Variants in SH2B3 observed in about 807,000 individuals in gnomAD.
The protein encoded by SH2B3 is SH2B adapter protein 3.
A neutral mutation model predicts 51.9 loss-of-function variants in SH2B3; 43 were observed. That is an observed-to-expected ratio of 0.83 (90% CI 0.65 to 1.07). The LOEUF (loss-of-function observed/expected upper bound fraction) is 1.07. Among genes scored for constraint, SH2B3 ranks in the 50% least tolerant of loss-of-function variants. SH2B3 has a pLI of 0.00. For synonymous variants in SH2B3, 396 were observed against 376.0 expected, an observed-to-expected ratio of 1.05 and a Z score of -0.62; for missense variants, 952 against 834.3, an observed-to-expected ratio of 1.14 and a Z score of -1.74.
rs373475395 is a variant in SH2B3 at position 111,446,897 on chromosome 12, A to C, written c.834+43A>C. On this transcript the variant is annotated intron_variant, in intron 3 of 7. Transcript: ENST00000341259. The stretch of plus-strand genomic sequence containing the variant: ...TCACACCCTGGGGCAATACAAATAC[A>C]TACACATACAGCAGACCCAACCCTG... 2.0e-4 allele frequency: 316 copies of C among 1,603,312 alleles called. 2 individuals are homozygous for C. The Middle Eastern group carries it at 6.1e-3, about 31-fold the overall frequency.
At chr12:111,425,512 G>A (rs556870608) in intron 2 of SH2B3, among the ~76,000 whole-genome samples, 3 of 152,300 alleles carry the variant, frequency 2.0e-5, no homozygotes, top group African/African-American at 7.2e-5. Flanking sequence ...AACCAGGCAA[G>A]TCTGTGGAAT....
Position 111,418,057 on chromosome 12 carries a change from G to A in SH2B3, c.-27-62G>A. 5 of 1,275,622 alleles carry A rather than the reference G, an allele frequency of 3.9e-6. No individual in the cohort carries two copies. Among genetic ancestry groups the A allele is most frequent in the South Asian group, 1.5e-5 (1 of 66,262 alleles). 79.0% of individuals were successfully genotyped at this position (1,275,622 alleles called of 1,614,324 possible). Reference sequence around the variant, plus strand: ...TGCTGTGGTGCCCGGTGTGTAATGGGGCCTACACCTGCTTGCCCACCTGCT... The same window carrying A: ...TGCTGTGGTGCCCGGTGTGTAATGGAGCCTACACCTGCTTGCCCACCTGCT... On this transcript the variant is annotated intron_variant, in intron 1 of 7. Coordinates refer to ENST00000341259, the MANE Select transcript of SH2B3 (RefSeq NM_005475.3). The surrounding 1 kb of genome is among the most constrained non-coding windows in gnomAD (Gnocchi z 6.7).
intron 2 of SH2B3, among the ~76,000 whole-genome samples, chr12:111,442,218 AC>A (rs1397757344): frequency 1.3e-5 from 2 of 151,412 alleles, no homozygotes; most frequent in South Asian, 2.1e-4. Flanking sequence ...GCCTTTTCAG[AC>A]CCCCTCCCTC....
chr12:111,439,212 C>T (rs1262952537), intron 2 of SH2B3, among the ~76,000 whole-genome samples: 4 of 152,172 alleles, frequency 2.6e-5, no homozygotes, highest in Non-Finnish European at 5.9e-5. Flanking sequence ...TGCAGTGGCA[C>T]GATCTTGGCT....
intron 2 of SH2B3, among the ~76,000 whole-genome samples, chr12:111,433,921 G>C (rs1593058859): frequency 6.6e-6 from 1 of 152,210 alleles, no homozygotes; most frequent in East Asian, 1.9e-4. Flanking sequence ...GCCTCAGTGT[G>C]GTTTTGATAT....
rs1871226981 is a variant in SH2B3, at chr12:111,418,219, G to A, written c.74G>A (p.Gly25Asp). ...PSASPAAAPR[G>D]WSEFCELHAV... The stretch of plus-strand genomic sequence containing the variant: ...GCCTCCCCGGCGGCGGCCCCGCGGG[G>A]CTGGAGCGAGTTCTGTGAGTTGCAC... Residue 25 changes from glycine to aspartate, a missense_variant, in exon 2 of 8, where the codon GGC (glycine) becomes GAC (aspartate). Gly to Asp is a moderately conservative substitution (Grantham distance 94). Coordinates refer to ENST00000341259, the MANE Select transcript of SH2B3 (RefSeq NM_005475.3). This position sits in a 1 kb window ranked among gnomAD's most constrained non-coding sequence, Gnocchi z 6.7. 2 of 1,582,048 alleles carry A rather than the reference G, an allele frequency of 1.3e-6. No individual in the cohort carries two copies. Among genetic ancestry groups the A allele is most frequent in the African/African-American group, 1.4e-5 (1 of 73,058 alleles).
chr12:111,447,644 C>G lies in SH2B3; in HGVS notation c.1237-12C>G, dbSNP rs965190067. 1.2e-6 allele frequency: 2 copies of G among 1,608,954 alleles called. No homozygotes were observed. The highest frequency in any genetic ancestry group is 1.7e-6 in the Non-Finnish European group (2 of 1,176,364). The stretch of plus-strand genomic sequence containing the variant: ...AGGGACAGCCCGAGCCCACCATCCT[C>G]TCCTCCCACAGCACCTGCGCCTGTC... On this transcript the variant is annotated splice_polypyrimidine_tract_variant and intron_variant, in intron 6 of 7. Coordinates refer to ENST00000341259, the MANE Select transcript of SH2B3 (RefSeq NM_005475.3).
chr12:111,437,061 C>T (rs1872942983), intron 2 of SH2B3, among the ~76,000 whole-genome samples: 1 of 152,090 alleles, frequency 6.6e-6, no homozygotes, highest in African/African-American at 2.4e-5. Flanking sequence ...TCACACTCAC[C>T]ATGTCTGTCT....
intron 2 of SH2B3, among the ~76,000 whole-genome samples, chr12:111,428,435 G>A (rs1872181447): frequency 6.6e-6 from 1 of 152,232 alleles, no homozygotes. Flanking sequence ...CGAGCCAGGT[G>A]TCCCTGGTGT....
rs1239537706 is a variant in SH2B3 at position 111,407,779 on chromosome 12, C to T, written c.-28+1502C>T. ...CTGGGAAGGGGCTGGCTCAGAGCAT[C>T]AGCAGCTGGGGGCTCAGGGTCTGCA... is the stretch of plus-strand genomic sequence containing the variant. On this transcript the variant is annotated intron_variant, in intron 1 of 7. Transcript: ENST00000341259. The surrounding 1 kb of genome is among the most constrained non-coding windows in gnomAD (Gnocchi z 4.3). 1.3e-5 allele frequency among the ~76,000 whole-genome samples: 2 copies of T among 152,210 alleles called. No individual in the cohort carries two copies. Among genetic ancestry groups the T allele is most frequent in the Non-Finnish European group, 2.9e-5 (2 of 68,042 alleles).
chr12:111,436,553 G>A (rs959194276), intron 2 of SH2B3, among the ~76,000 whole-genome samples: 1 of 152,038 alleles, frequency 6.6e-6, no homozygotes, highest in Non-Finnish European at 1.5e-5. Context: ...TGGTGGAGTC[G>A]GCACCCATAT....
intron 2 of SH2B3, among the ~76,000 whole-genome samples, chr12:111,432,731 T>C (rs1872588785): frequency 6.6e-6 from 1 of 152,228 alleles, no homozygotes; most frequent in Admixed American, 6.5e-5. Flanking sequence ...GATTTACCTA[T>C]TCTGGACATT....
In SH2B3 at chr12:111,406,030, G is replaced by T. The variant is rs556403548; in HGVS notation, c.-275G>T. 2 of 151,854 alleles carry T rather than the reference G, an allele frequency of 1.3e-5. No homozygotes were observed. The highest frequency in any genetic ancestry group is 2.9e-5 in the Non-Finnish European group (2 of 67,902). 9.4% of individuals were successfully genotyped at this position (151,854 alleles called of 1,614,324 possible). On this transcript the variant is annotated 5_prime_UTR_variant, in exon 1 of 8. Transcript: ENST00000341259. The surrounding 1 kb of genome is among the most constrained non-coding windows in gnomAD (Gnocchi z 5.7). Reference sequence around the variant, plus strand: ...ACGGCGGCCGCTGCAAAGTTTCCCCGGCGGCGGCGGCCCGGGGGCGCATCC... The same window carrying T: ...ACGGCGGCCGCTGCAAAGTTTCCCCTGCGGCGGCGGCCCGGGGGCGCATCC...
At chr12:111,426,060 G>A (rs567894907) in intron 2 of SH2B3, among the ~76,000 whole-genome samples, 7 of 152,342 alleles carry the variant, frequency 4.6e-5, no homozygotes, top group Admixed American at 2.0e-4. Context: ...AGGGATAGCT[G>A]CGTAAAAATG....
At chr12:111,434,832 G>A in intron 2 of SH2B3, 1 of 1,525,744 alleles carries the variant, frequency 6.6e-7, no homozygotes, top group Non-Finnish European at 8.8e-7. Flanking sequence ...CTGTGACATG[G>A]TAAACGTTCA....
intron 2 of SH2B3, among the ~76,000 whole-genome samples, chr12:111,425,356 G>A (rs1353229251): frequency 2.6e-5 from 4 of 152,152 alleles, no homozygotes; most frequent in East Asian, 3.9e-4. Context: ...GGTGGGCAGC[G>A]TGGGCCCTTG....
intron 2 of SH2B3, chr12:111,434,961 GCTGGGAGCCC>G: frequency 6.5e-7 from 1 of 1,535,514 alleles, no homozygotes; most frequent in Non-Finnish European, 8.7e-7. Context: ...GTGCCAGTTG[GCTGGGAGCCC>G]CTCCACCCCA....
At chr12:111,426,077 GGATGAAAGGGTGT>G (rs751192546) in intron 2 of SH2B3, among the ~76,000 whole-genome samples, 5 of 152,224 alleles carry the variant, frequency 3.3e-5, no homozygotes, top group Non-Finnish European at 7.3e-5. Flanking sequence ...AATGGGATTG[GGATGAAAGGGTGT>G]GATCTACTGA....
intron 2 of SH2B3, chr12:111,434,717 T>C: frequency 7.3e-7 from 1 of 1,365,470 alleles, no homozygotes; most frequent in Admixed American, 2.9e-5. Context: ...CTGTCTTGGT[T>C]TCCTTTTTCA....
Sources: gnomAD v4.1 joint callset for allele counts (sites outside exome capture counted in the v4.1 genomes callset) on GRCh38, gnomAD v4.1.1 for gene constraint, Gnocchi (gnomAD v3.1) non-coding constraint, MANE v1.5 for transcripts, NCBI Gene and HGNC (gene_info 2026-07-23, HGNC 2026-07-21) for gene names.